Variants in CXCL13 observed in about 807,000 individuals in gnomAD.
CXCL13 encodes C-X-C motif chemokine ligand 13.
In CXCL13, 7 loss-of-function variants were observed where a neutral mutation model predicts 12.2. The observed-to-expected ratio is 0.57, with a 90% CI of 0.33 to 1.07. The LOEUF (loss-of-function observed/expected upper bound fraction) is 1.07. Among genes scored for constraint, CXCL13 ranks in the 50% least tolerant of loss-of-function variants. The pLI, the probability that CXCL13 is intolerant of heterozygous loss-of-function variation, is 0.04. For synonymous variants in CXCL13, 47 were observed against 42.4 expected, an observed-to-expected ratio of 1.11 and a Z score of -0.42; for missense variants, 113 against 127.4, an observed-to-expected ratio of 0.89 and a Z score of 0.55.
At chr4:77,522,616 A>C (rs1180212513) in intron 1 of CXCL13, among the ~76,000 whole-genome samples, 1 of 139,658 alleles carries the variant, frequency 7.2e-6, no homozygotes, top group African/African-American at 2.7e-5. Context: ...TGCATGTGAG[A>C]TGGGTCTGCT....
chr4:77,555,582 G>A (rs948656280), intron 1 of CXCL13, among the ~76,000 whole-genome samples: 1 of 151,926 alleles, frequency 6.6e-6, no homozygotes, highest in East Asian at 1.9e-4. Flanking sequence ...ACAAAACATA[G>A]GAAAATGTCT....
chr4:77,584,060 G>C (rs1376003971), intron 1 of CXCL13, among the ~76,000 whole-genome samples: 1 of 152,168 alleles, frequency 6.6e-6, no homozygotes, highest in Non-Finnish European at 1.5e-5. Context: ...CAAAAATGAA[G>C]GGGCAACAGG....
chr4:77,539,448 A>G (rs763685202), intron 1 of CXCL13, among the ~76,000 whole-genome samples: 4 of 152,128 alleles, frequency 2.6e-5, no homozygotes, highest in Non-Finnish European at 4.4e-5. Flanking sequence ...TTTTGACTTG[A>G]GGTTTTATAC....
chr4:77,607,071 G>A (rs1578074833), intron 1 of CXCL13, among the ~76,000 whole-genome samples: 2 of 152,340 alleles, frequency 1.3e-5, no homozygotes, highest in East Asian at 3.9e-4. Context: ...TGAGAGGAAA[G>A]GGGAGGATGG....
At chr4:77,577,399 T>C (rs1260955759) in intron 1 of CXCL13, among the ~76,000 whole-genome samples, 1 of 151,368 alleles carries the variant, frequency 6.6e-6, no homozygotes, top group African/African-American at 2.4e-5. Flanking sequence ...ATTCTAAGCT[T>C]TGAGTTGAAG....
chr4:77,603,843 T>A (rs757149289), upstream of CXCL13, among the ~76,000 whole-genome samples: 2 of 152,184 alleles, frequency 1.3e-5, no homozygotes, highest in African/African-American at 2.4e-5. Flanking sequence ...TACATGCCAG[T>A]ATTTGGCCGA....
chr4:77,516,799 C>T (rs1040953859), intron 1 of CXCL13, among the ~76,000 whole-genome samples: 1 of 152,032 alleles, frequency 6.6e-6, no homozygotes, highest in African/African-American at 2.4e-5. Context: ...TTTTGTGTCT[C>T]TATTTCCTTC....
At chr4:77,564,809 C>T (rs1482247127) in intron 1 of CXCL13, among the ~76,000 whole-genome samples, 1 of 152,088 alleles carries the variant, frequency 6.6e-6, no homozygotes, top group Non-Finnish European at 1.5e-5. Flanking sequence ...AGATATTGTG[C>T]GGAAAGGACC....
intron 1 of CXCL13, among the ~76,000 whole-genome samples, chr4:77,567,690 G>A (rs1339962341): frequency 6.6e-6 from 1 of 152,112 alleles, no homozygotes; most frequent in Admixed American, 6.5e-5. Context: ...CTGCTTATCT[G>A]CTAATTATAG....
intron 1 of CXCL13, among the ~76,000 whole-genome samples, chr4:77,538,655 A>G (rs900742330): frequency 6.6e-6 from 1 of 152,162 alleles, no homozygotes; most frequent in Non-Finnish European, 1.5e-5. Context: ...TGGTAGACCC[A>G]CTGGTAGAAA....
At chr4:77,549,845 A>T (rs1725462961) in intron 1 of CXCL13, among the ~76,000 whole-genome samples, 1 of 152,222 alleles carries the variant, frequency 6.6e-6, no homozygotes, top group Non-Finnish European at 1.5e-5. Flanking sequence ...CTCAAACTCC[A>T]TGCTGGGAGA....
chr4:77,534,594 G>C (rs959927481), intron 1 of CXCL13, among the ~76,000 whole-genome samples: 2 of 152,120 alleles, frequency 1.3e-5, no homozygotes, highest in African/African-American at 4.8e-5. Context: ...CTCTTTCTGG[G>C]TATTATTTCA....
At chr4:77,519,668 T>C (rs1724526211) in intron 1 of CXCL13, among the ~76,000 whole-genome samples, 1 of 152,236 alleles carries the variant, frequency 6.6e-6, no homozygotes, top group South Asian at 2.1e-4. Context: ...GTAGGTTGCC[T>C]GTTCACTGTG....
intron 1 of CXCL13, among the ~76,000 whole-genome samples, chr4:77,514,178 G>A (rs1724348475): frequency 6.6e-6 from 1 of 151,924 alleles, no homozygotes; most frequent in Non-Finnish European, 1.5e-5. Context: ...GTGTATATGT[G>A]CCACATTTTC....
intron 1 of CXCL13, among the ~76,000 whole-genome samples, chr4:77,540,976 T>G (rs1265560657): frequency 6.6e-6 from 1 of 152,176 alleles, no homozygotes; most frequent in African/African-American, 2.4e-5. Flanking sequence ...TATCTCAATG[T>G]GGTTTTGATT....
At chr4:77,562,008 C>A (rs1036530869) in intron 1 of CXCL13, among the ~76,000 whole-genome samples, 2 of 152,176 alleles carry the variant, frequency 1.3e-5, no homozygotes, top group Admixed American at 6.5e-5. Flanking sequence ...AGCTTAGCAC[C>A]TGGGCCAGCA....
chr4:77,526,193 T>G (rs917350310), intron 1 of CXCL13, among the ~76,000 whole-genome samples: 3 of 152,072 alleles, frequency 2.0e-5, no homozygotes, highest in African/African-American at 7.2e-5. Flanking sequence ...ATTTTATTTT[T>G]TGGTTAATCA....
chr4:77,585,790 G>T (rs1040499141), intron 1 of CXCL13, among the ~76,000 whole-genome samples: 1 of 152,090 alleles, frequency 6.6e-6, no homozygotes, highest in African/African-American at 2.4e-5. Context: ...GCTATAATAG[G>T]CCCCAAAGCA....
chr4:77,515,248 C>G (rs1016128449), intron 1 of CXCL13, among the ~76,000 whole-genome samples: 1 of 152,144 alleles, frequency 6.6e-6, no homozygotes, highest in Non-Finnish European at 1.5e-5. Flanking sequence ...CGTGATGCCT[C>G]CAGCTTTGTT....
Sources: allele counts gnomAD v4.1 joint callset (sites outside exome capture counted in the v4.1 genomes callset), GRCh38; gene constraint gnomAD v4.1.1; transcripts MANE v1.5; gene names NCBI Gene and HGNC (gene_info 2026-07-23, HGNC 2026-07-21).